SSBP4: variants seen among roughly 807,000 people sequenced by gnomAD.
The protein encoded by SSBP4 is single-stranded DNA-binding protein 4.
Under a neutral mutation model 64.6 loss-of-function variants are expected in SSBP4, and 33 were observed. That is an observed-to-expected ratio of 0.51 (90% CI 0.39 to 0.68). SSBP4 has a LOEUF of 0.68. Ranked by LOEUF, SSBP4 falls within the 30% of genes least tolerant of loss-of-function variation. SSBP4 has a pLI of 0.00. For synonymous variants in SSBP4, 243 were observed against 224.0 expected, an observed-to-expected ratio of 1.08 and a Z score of -0.76; for missense variants, 583 against 566.8, an observed-to-expected ratio of 1.03 and a Z score of -0.29.
At chr19:18,432,466 G>A in intron 10 of SSBP4, 93 bp from the exon 11 acceptor site, 1 of 1,492,432 alleles carries the variant, frequency 6.7e-7, no homozygotes, top group Non-Finnish European at 9.0e-7. Flanking sequence ...GGTCGGTCTG[G>A]GGATACAGTG....
intron 17 of SSBP4, 81 bp downstream of exon 17, chr19:18,433,898 G>A (rs1973757027): frequency 7.8e-7 from 1 of 1,285,466 alleles, no homozygotes; most frequent in Non-Finnish European, 9.8e-7. Flanking sequence ...GGGCGGCCGG[G>A]GGGCCAGAGC....
chr19:18,418,425 G>T (rs2144659739), upstream of SSBP4, among the ~76,000 whole-genome samples: 1 of 152,308 alleles, frequency 6.6e-6, no homozygotes, highest in Admixed American at 6.5e-5. This position sits in a 1 kb window ranked among gnomAD's most constrained non-coding sequence, Gnocchi z 6.7. Context: ...GAACACCCCT[G>T]GTGGGGGGAT....
At chr19:18,404,138 G>A in the SSBP4 span, among the ~76,000 whole-genome samples, 17 of 151,932 alleles carry the variant, frequency 1.1e-4, no homozygotes, top group African/African-American at 4.1e-4. Flanking sequence ...ACTCAGAAAC[G>A]CCCAGGGATG....
rs1018120950 is a variant in SSBP4, at chr19:18,427,638, C to T, written c.133-114C>T. 2 of 1,329,400 alleles carry T rather than the reference C, an allele frequency of 1.5e-6. No homozygotes were observed. Among genetic ancestry groups the T allele is most frequent in the South Asian group, 1.4e-5 (1 of 69,820 alleles). The allele number at this position is 1,329,400 out of a possible 1,614,324, so 82.4% of individuals were successfully genotyped here. On this transcript the variant is annotated intron_variant, in intron 2 of 17. Transcript: ENST00000270061. This position sits in a 1 kb window ranked among gnomAD's most constrained non-coding sequence, Gnocchi z 4.4. ...CACATCCTGGGGCCCTCTGCCCACC[C>T]TGTTACCCTTCCCTCCCCACTCCCT...
the SSBP4 span, among the ~76,000 whole-genome samples, chr19:18,413,116 G>T: frequency 6.6e-6 from 1 of 151,416 alleles, no homozygotes; most frequent in Non-Finnish European, 1.5e-5. Context: ...GTCCCACTCA[G>T]GGGCGAGGAG....
In SSBP4 at chr19:18,433,807, C is replaced by T; in HGVS notation, c.1118C>T (p.Pro373Leu). 7.0e-7 allele frequency: 1 copy of T among 1,432,880 alleles called. No homozygotes were observed. The highest frequency in any genetic ancestry group is 9.1e-7 in the Non-Finnish European group (1 of 1,096,562). 88.8% of individuals were successfully genotyped at this position (1,432,880 alleles called of 1,614,324 possible). The change falls in exon 17 of 18, where the codon CCG becomes CTG. Residue 373 changes from proline to leucine, a missense_variant. Coordinates refer to ENST00000270061, the MANE Select transcript of SSBP4 (RefSeq NM_032627.5). ...GCCGGGACCTTCCTGCACCCGTTCC[C>T]GAGCGAAAGCGTAAGCGACTGCGTC... ...AAAGTFLHPFPSESYSPGMTM... is the reference protein window; with the variant it reads ...AAAGTFLHPFLSESYSPGMTM...
At chr19:18,431,229 C>A in intron 5 of SSBP4, 124 bp from the exon 6 acceptor site, 1 of 614,380 alleles carries the variant, frequency 1.6e-6, no homozygotes, top group Non-Finnish European at 2.9e-6. Flanking sequence ...TGCCCTCAAG[C>A]CTTCCCACAA....
chr19:18,431,935 C>T, intron 8 of SSBP4, 65 bp from the exon 9 acceptor site: 1 of 1,561,240 alleles, frequency 6.4e-7, no homozygotes. Flanking sequence ...GACCTTGCTG[C>T]CTCCCCACTG....
intron 9 of SSBP4, 25 bp from the exon 10 acceptor site, chr19:18,432,122 C>G (rs750413501): frequency 6.2e-7 from 1 of 1,611,250 alleles, no homozygotes; most frequent in Non-Finnish European, 8.5e-7. Flanking sequence ...CCGGTCTACC[C>G]CTCACAGCCC....
rs915833918 is a variant in SSBP4, at chr19:18,433,793, C to T, written c.1104C>T (p.Phe368=). The T allele has an allele frequency of 3.8e-5, 55 of 1,443,510 alleles. No individual in the cohort carries two copies. Among genetic ancestry groups the T allele is most frequent in the Non-Finnish European group, 4.5e-5 (50 of 1,103,506 alleles). The allele number at this position is 1,443,510 out of a possible 1,614,324, so 89.4% of individuals were successfully genotyped here. A position where few individuals can be genotyped will look rare whatever the true frequency, so the allele number is the denominator to read the frequency against. Residue 368 remains phenylalanine, a synonymous_variant, in exon 17 of 18, where the codon TTC becomes TTT. Coordinates refer to ENST00000270061, the MANE Select transcript of SSBP4 (RefSeq NM_032627.5). ...DDGEMAAAGT[F]LHPFPSESYS... ...GCGAGATGGCGGCCGCCGGGACCTTCCTGCACCCGTTCCCGAGCGAAAGCG... is the reference window on the plus strand; with the variant it reads ...GCGAGATGGCGGCCGCCGGGACCTTTCTGCACCCGTTCCCGAGCGAAAGCG...
upstream of SSBP4, among the ~76,000 whole-genome samples, chr19:18,416,836 T>C (rs1972137073): frequency 6.6e-6 from 1 of 152,188 alleles, no homozygotes; most frequent in Admixed American, 6.5e-5. Context: ...GGGGGGTCCC[T>C]TTCTGCGGGT....
chr19:18,431,372 C>T lies in SSBP4; in HGVS notation c.389C>T (p.Pro130Leu), dbSNP rs773045873. Reference protein sequence around the residue: ...GFFQGPPGSQPSPHNPNAPMM... With the variant: ...GFFQGPPGSQLSPHNPNAPMM... ...TCCTAGGGCCCCCCCGGCTCCCAGC[C>T]GTCCCCCCACAACCCCAACGCCCCC... The change falls in exon 6 of 18, where the codon CCG becomes CTG. Residue 130 changes from proline (P) to leucine (L), a missense_variant. Coordinates refer to ENST00000270061, the MANE Select transcript of SSBP4 (RefSeq NM_032627.5). 24 of 1,321,610 alleles carry T rather than the reference C, an allele frequency of 1.8e-5. No individual in the cohort carries two copies. The highest frequency in any genetic ancestry group is 1.8e-4 in the Admixed American group (7 of 39,518). 81.9% of individuals were successfully genotyped at this position (1,321,610 alleles called of 1,614,324 possible).
At chr19:18,409,685 A>AT in the SSBP4 span, among the ~76,000 whole-genome samples, 2 of 150,774 alleles carry the variant, frequency 1.3e-5, no homozygotes, top group African/African-American at 4.9e-5. Flanking sequence ...CATCCAGCTA[A>AT]TTTTTTATTT....
rs755575038 is a variant in SSBP4 at position 18,433,562 on chromosome 19, C to CCCGTGTCTGT, written c.992-12_992-3dup. 56 of 1,547,566 alleles carry CCCGTGTCTGT rather than the reference C, an allele frequency of 3.6e-5. No individual in the cohort carries two copies. In the African/African-American group the frequency reaches 5.6e-4, roughly 16 times the overall value. On this transcript the variant is annotated intron_variant, in intron 15 of 17. Coordinates refer to ENST00000270061, the MANE Select transcript of SSBP4 (RefSeq NM_032627.5). ...TGGCGCCAGCACGTCTGAGCCGGTG[C>CCCGTGTCTGT]CCGTGTCTGTCCGTGTCTGTAGGCT...
At chr19:18,431,621 T>TGCTGATCCCC (rs1973389112) in intron 6 of SSBP4, 26 bp from the exon 7 acceptor site, 2 of 1,532,138 alleles carry the variant, frequency 1.3e-6, no homozygotes, top group African/African-American at 2.8e-5. Flanking sequence ...TGGGGGAAGG[T>TGCTGATCCCC]GCTGATCCCC....
chr19:18,433,619 G>C lies in SSBP4; in HGVS notation c.1020+6G>C, dbSNP rs776333522. 1 of 1,493,442 alleles carries C rather than the reference G, an allele frequency of 6.7e-7. No homozygotes were observed. The highest frequency in any genetic ancestry group is 8.9e-7 in the Non-Finnish European group (1 of 1,123,386). The allele number at this position is 1,493,442 out of a possible 1,614,324, so 92.5% of individuals were successfully genotyped here. A position where few individuals can be genotyped will look rare whatever the true frequency, so the allele number is the denominator to read the frequency against. On this transcript the variant is annotated splice_donor_region_variant and intron_variant, in intron 16 of 17. Transcript: ENST00000270061. ...ACATGGACGGGTTGCCGAAGGTAAG[G>C]AGGCTGCGCTCTTGCCGGGGGTGGG...
rs573950733 is a variant in SSBP4 at position 18,433,452 on chromosome 19, G to T, written c.992-133G>T. 1.8e-5 allele frequency: 26 copies of T among 1,463,898 alleles called. No homozygotes were observed. In the African/African-American group the frequency reaches 3.2e-4, roughly 18 times the overall value. 90.7% of individuals were successfully genotyped at this position (1,463,898 alleles called of 1,614,324 possible). A position where few individuals can be genotyped will look rare whatever the true frequency, so the allele number is the denominator to read the frequency against. Reference sequence around the variant, plus strand: ...CAACCCTCCACCTGGCCTCAGTCCCGGGGTTCCTGGCGGGCTGTGCGGGGC... The same window carrying T: ...CAACCCTCCACCTGGCCTCAGTCCCTGGGTTCCTGGCGGGCTGTGCGGGGC... On this transcript the variant is annotated intron_variant, in intron 15 of 17. Transcript: ENST00000270061.
upstream of SSBP4, chr19:18,419,305 C>A (rs1453263378): frequency 1.0e-6 from 1 of 1,004,062 alleles, no homozygotes; most frequent in Middle Eastern, 5.0e-4. Flanking sequence ...GGGACCCACC[C>A]GCGCGCCCGC....
Position 18,433,829 on chromosome 19 carries a change from C to A in SSBP4, c.1128+12C>A. On this transcript the variant is annotated intron_variant, in intron 17 of 17. Transcript: ENST00000270061. ...TCCCGAGCGAAAGCGTAAGCGACTG[C>A]GTCGACTCCCCCCCCGCGGCGGCGT... The A allele has an allele frequency of 1.4e-6, 2 of 1,408,022 alleles. No homozygotes were observed. Among genetic ancestry groups the A allele is most frequent in the African/African-American group, 3.1e-5 (2 of 64,860 alleles). 87.2% of individuals were successfully genotyped at this position (1,408,022 alleles called of 1,614,324 possible).
Sources: allele counts gnomAD v4.1 joint callset (sites outside exome capture counted in the v4.1 genomes callset), GRCh38; gene constraint gnomAD v4.1.1; non-coding constraint Gnocchi (gnomAD v3.1); transcripts MANE v1.5; gene names NCBI Gene and HGNC (gene_info 2026-07-23, HGNC 2026-07-21).